SLCO1B3: variants seen among roughly 807,000 people sequenced by gnomAD.
The protein encoded by SLCO1B3 is liver-specific organic anion transporter 2.
A neutral mutation model predicts 71.8 loss-of-function variants in SLCO1B3; 72 were observed. The observed-to-expected ratio is 1.00, with a 90% CI of 0.83 to 1.22. The LOEUF (loss-of-function observed/expected upper bound fraction) is 1.22, where lower values mean the gene tolerates loss of function less well. Ranked by LOEUF, SLCO1B3 falls within the 50% of genes most tolerant of loss-of-function variation. SLCO1B3 has a pLI of 0.00. For missense variants in SLCO1B3, 911 were observed against 819.7 expected (o/e 1.11, Z -1.36); for synonymous variants, 298 against 278.4 (o/e 1.07, Z -0.70).
At chr12:20,820,027 TAA>T (rs1452323483) in intron 3 of SLCO1B3, among the ~76,000 whole-genome samples, 4 of 151,946 alleles carry the variant, frequency 2.6e-5, no homozygotes, top group Admixed American at 6.6e-5. Flanking sequence ...AAAGAGTGCA[TAA>T]AAGAGTATTG....
Position 20,882,253 on chromosome 12 carries a change from A to G in SLCO1B3, c.1498-1165A>G, listed in dbSNP as rs1485608502. Among the ~76,000 whole-genome samples, 3 of 152,190 alleles carry G rather than the reference A, an allele frequency of 2.0e-5. No individual in the cohort carries two copies. The East Asian group carries it at 5.8e-4, about 29-fold the overall frequency. On this transcript the variant is annotated intron_variant, in intron 12 of 15. Transcript: ENST00000381545. ...TGCAAAGTTCCTTTACTAAATCCTC[A>G]GTAAAATTGTTAAAATAATGCTCTC...
chr12:20,852,568 C>A (rs532062988), intron 3 of SLCO1B3, among the ~76,000 whole-genome samples: 1 of 152,086 alleles, frequency 6.6e-6, no homozygotes, highest in East Asian at 1.9e-4. Context: ...ACTAAATCTT[C>A]CAATCTATGA....
intron 5 of SLCO1B3, among the ~76,000 whole-genome samples, chr12:20,859,908 A>C (rs1399313512): frequency 6.7e-6 from 1 of 150,144 alleles, no homozygotes; most frequent in African/African-American, 2.4e-5. Flanking sequence ...CACATTGTGA[A>C]GTTTTCTTTG....
At chr12:20,892,127 A>G (rs1194724574) in intron 13 of SLCO1B3, among the ~76,000 whole-genome samples, 4 of 152,124 alleles carry the variant, frequency 2.6e-5, no homozygotes, top group African/African-American at 4.8e-5. Flanking sequence ...TTAACAATCT[A>G]TCTTCTTTAT....
intron 15 of SLCO1B3, 90 bp from the exon 16 acceptor site, chr12:20,915,914 C>G (rs12822208): frequency 1.1e-6 from 1 of 939,044 alleles, no homozygotes; most frequent in African/African-American, 1.7e-5. Context: ...GTTTTTCTTT[C>G]TTTTAAGATA....
intron 14 of SLCO1B3, among the ~76,000 whole-genome samples, chr12:20,901,036 T>C (rs1866120508): frequency 6.6e-6 from 1 of 152,146 alleles, no homozygotes; most frequent in Middle Eastern, 3.2e-3. Flanking sequence ...CTAACAACAT[T>C]CCCCTTTTTA....
At chr12:20,864,569 T>G (rs891246830) in intron 8 of SLCO1B3, among the ~76,000 whole-genome samples, 7 of 152,202 alleles carry the variant, frequency 4.6e-5, no homozygotes, top group African/African-American at 1.7e-4. Flanking sequence ...TTAGTGTAGC[T>G]ACACGTTATG....
intron 2 of SLCO1B3, among the ~76,000 whole-genome samples, chr12:20,814,719 T>A (rs1591737941): frequency 6.6e-6 from 1 of 151,984 alleles, no homozygotes; most frequent in East Asian, 1.9e-4. Flanking sequence ...TGAAACCCTG[T>A]CTCTACTAAA....
At chr12:20,880,345 G>A (rs545282867) in intron 11 of SLCO1B3, among the ~76,000 whole-genome samples, 346 of 151,476 alleles carry the variant, frequency 2.3e-3, no homozygotes, top group African/African-American at 7.9e-3. Context: ...TAACTACATT[G>A]AAATCTTTTT....
At chr12:20,876,905 A>G (rs1362424247) in intron 9 of SLCO1B3, among the ~76,000 whole-genome samples, 1 of 151,924 alleles carries the variant, frequency 6.6e-6, no homozygotes, top group East Asian at 1.9e-4. Context: ...ATCTTGACTC[A>G]CTGCAACCTC....
chr12:20,881,709 T>C (rs907529436), intron 12 of SLCO1B3, among the ~76,000 whole-genome samples: 13 of 152,278 alleles, frequency 8.5e-5, no homozygotes, highest in African/African-American at 3.1e-4. Context: ...ATCCTGTTTT[T>C]CCCAATATCC....
chr12:20,873,488 A>C (rs189142474), intron 8 of SLCO1B3, among the ~76,000 whole-genome samples: 1 of 152,240 alleles, frequency 6.6e-6, no homozygotes, highest in East Asian at 1.9e-4. Flanking sequence ...TCCTCTCAGT[A>C]CTTCGAGACA....
At chr12:20,825,301 C>T (rs911319240) in intron 3 of SLCO1B3, among the ~76,000 whole-genome samples, 5 of 152,110 alleles carry the variant, frequency 3.3e-5, no homozygotes, top group African/African-American at 1.2e-4. Context: ...CTTATAATTT[C>T]ACAGACGCAT....
intron 3 of SLCO1B3, among the ~76,000 whole-genome samples, chr12:20,827,494 T>TGAA (rs1326607030): frequency 6.6e-6 from 1 of 152,198 alleles, no homozygotes; most frequent in African/African-American, 2.4e-5. Context: ...TTATTAGTCA[T>TGAA]GAAGATAAAA....
At chr12:20,843,722 A>T (rs904144085) in intron 3 of SLCO1B3, among the ~76,000 whole-genome samples, 2 of 151,890 alleles carry the variant, frequency 1.3e-5, no homozygotes, top group African/African-American at 4.8e-5. Context: ...CGGAGCTTGC[A>T]GTGAGCTGAG....
At chr12:20,858,055 T>C (rs1040692314) in intron 4 of SLCO1B3, among the ~76,000 whole-genome samples, 1 of 152,086 alleles carries the variant, frequency 6.6e-6, no homozygotes, top group Non-Finnish European at 1.5e-5. Flanking sequence ...AGCACTGTGG[T>C]AGGTACATAG....
intron 3 of SLCO1B3, among the ~76,000 whole-genome samples, chr12:20,841,985 A>C (rs966846836): frequency 6.6e-6 from 1 of 151,448 alleles, no homozygotes; most frequent in Non-Finnish European, 1.5e-5. Flanking sequence ...CCCAGTTTCA[A>C]GTGAGGTTCA....
In SLCO1B3 at chr12:20,855,163, G is replaced by T. The variant is rs1865108247; in HGVS notation, c.220G>T (p.Glu74Ter). Residue 74 changes from glutamate (E) to a stop codon, truncating the protein, a stop_gained, in exon 4 of 16, where the codon GAA becomes TAA. Coordinates refer to ENST00000381545, the MANE Select transcript of SLCO1B3 (RefSeq NM_019844.4). LOFTEE classifies it high-confidence loss of function. ...TGCTGGTTTAATTGATGGAAGCTTTGAAATTGGTAACTTTTATTTTTTCTA... is the reference window on the plus strand; with the variant it reads ...TGCTGGTTTAATTGATGGAAGCTTTTAAATTGGTAACTTTTATTTTTTCTA... ...SLAGLIDGSF[E>*]IGNLLVIVFV... The T allele has an allele frequency of 6.2e-7, 1 of 1,606,440 alleles. No individual in the cohort carries two copies. Among genetic ancestry groups the T allele is most frequent in the South Asian group, 1.1e-5 (1 of 90,224 alleles).
At chr12:20,884,976 A>G (rs2121318994) in intron 13 of SLCO1B3, among the ~76,000 whole-genome samples, 1 of 152,240 alleles carries the variant, frequency 6.6e-6, no homozygotes, top group South Asian at 2.1e-4. Flanking sequence ...TCCAAATTAC[A>G]GATTCATTAA....
Sources: gnomAD v4.1 joint callset for allele counts (sites outside exome capture counted in the v4.1 genomes callset) on GRCh38, gnomAD v4.1.1 for gene constraint, MANE v1.5 for transcripts, NCBI Gene and HGNC (gene_info 2026-07-23, HGNC 2026-07-21) for gene names.